Variants in ZNF804B observed in about 807,000 individuals in gnomAD.
The protein encoded by ZNF804B is zinc finger 804B.
Under a neutral mutation model 101.4 loss-of-function variants are expected in ZNF804B, and 80 were observed. The ratio of observed to expected loss-of-function variants is 0.79; its 90% CI spans 0.66 to 0.95. The LOEUF is 0.95. ZNF804B is among the 40% of genes least tolerant of loss of function. The pLI, the probability that ZNF804B is intolerant of heterozygous loss-of-function variation, is 0.00. For missense variants in ZNF804B, 1,673 were observed against 1,561.9 expected, an observed-to-expected ratio of 1.07 and a Z score of -1.20; for synonymous variants, 622 against 558.8, an observed-to-expected ratio of 1.11 and a Z score of -1.59.
chr7:89,179,476 T>G lies in ZNF804B; in HGVS notation c.109-38679T>G, dbSNP rs953057877. Among the ~76,000 whole-genome samples, 30 of 152,348 alleles carry G rather than the reference T, an allele frequency of 2.0e-4. 1 individual carries two copies. The highest frequency in any genetic ancestry group is 6.3e-4 in the African/African-American group (26 of 41,586). ...AATTAAATTTTTCAGCTCCAGAATT[T>G]GGTTGATTTTTTAAAAGTATTTAAA... On this transcript the variant is annotated intron_variant, in intron 1 of 3. Transcript: ENST00000333190.
chr7:89,089,057 CT>C lies in ZNF804B; in HGVS notation c.109-129084del, dbSNP rs543879583. Among the ~76,000 whole-genome samples the C allele has an allele frequency of 6.9e-3, 886 of 127,936 alleles. 7 individuals are homozygous for C. The highest frequency in any genetic ancestry group is 0.018 in the African/African-American group (606 of 33,528). 83.9% of individuals were successfully genotyped at this position (127,936 alleles called of 152,430 possible). On this transcript the variant is annotated intron_variant, in intron 1 of 3. Coordinates refer to ENST00000333190, the MANE Select transcript of ZNF804B (RefSeq NM_181646.5). ...ATAAGCCTTTTTTTCCTTTTTTTTT[CT>C]TTTTTTTTTTTTTCCTAGGGAGTCT...
chr7:89,073,509 A>G (rs1424212462), intron 1 of ZNF804B, among the ~76,000 whole-genome samples: 1 of 152,078 alleles, frequency 6.6e-6, no homozygotes, highest in Non-Finnish European at 1.5e-5. Context: ...CATCCCATTT[A>G]TTTTGCTAGA....
intron 1 of ZNF804B, among the ~76,000 whole-genome samples, chr7:89,081,744 C>G (rs1314002768): frequency 6.6e-6 from 1 of 151,756 alleles, no homozygotes; most frequent in Non-Finnish European, 1.5e-5. Flanking sequence ...TACTCCTTCC[C>G]ATGTCTATTG....
chr7:89,001,116 A>T (rs2213984), intron 1 of ZNF804B, among the ~76,000 whole-genome samples: 15,592 of 147,758 alleles, frequency 0.11, 903 homozygotes, highest in Non-Finnish European at 0.12. Context: ...GAGTAAGTTT[A>T]AGAACTCTAT....
At chr7:89,120,485 G>A (rs988872102) in intron 1 of ZNF804B, among the ~76,000 whole-genome samples, 6 of 151,514 alleles carry the variant, frequency 4.0e-5, no homozygotes, top group Non-Finnish European at 5.9e-5. Context: ...GTGAAACCCC[G>A]TCTCTACTAA....
At chr7:88,817,581 C>G (rs1006782838) in intron 1 of ZNF804B, among the ~76,000 whole-genome samples, 6 of 152,056 alleles carry the variant, frequency 3.9e-5, no homozygotes, top group African/African-American at 1.4e-4. Context: ...ATATTTTATT[C>G]TAGAATAGCT....
chr7:89,057,361 A>G (rs1180415876), intron 1 of ZNF804B, among the ~76,000 whole-genome samples: 3 of 152,072 alleles, frequency 2.0e-5, no homozygotes, highest in African/African-American at 7.2e-5. Context: ...TGCAATTCTT[A>G]TCAACCCTGG....
At chr7:88,777,152 T>C (rs1790154487) in intron 1 of ZNF804B, among the ~76,000 whole-genome samples, 1 of 152,204 alleles carries the variant, frequency 6.6e-6, no homozygotes, top group Non-Finnish European at 1.5e-5. Flanking sequence ...CTGCTGGTGC[T>C]ACTGGACTCA....
chr7:89,071,535 G>A (rs1249528463), intron 1 of ZNF804B, among the ~76,000 whole-genome samples: 2 of 152,174 alleles, frequency 1.3e-5, no homozygotes, highest in African/African-American at 4.8e-5. Context: ...GGAAGCAGTA[G>A]TGCCCACAGA....
At chr7:89,192,001 G>C (rs1312393967) in intron 1 of ZNF804B, among the ~76,000 whole-genome samples, 1 of 151,984 alleles carries the variant, frequency 6.6e-6, no homozygotes, top group East Asian at 1.9e-4. Flanking sequence ...AAAAAAAATT[G>C]ATCCTGTTAT....
At chr7:88,972,990 A>G (rs371693966) in intron 1 of ZNF804B, among the ~76,000 whole-genome samples, 2 of 151,546 alleles carry the variant, frequency 1.3e-5, no homozygotes, top group East Asian at 3.9e-4. Flanking sequence ...AGAGGTAAAT[A>G]TCCATATTTT....
chr7:89,197,879 A>T (rs1225634015), intron 1 of ZNF804B, among the ~76,000 whole-genome samples: 3 of 151,852 alleles, frequency 2.0e-5, no homozygotes, highest in African/African-American at 7.2e-5. Flanking sequence ...TTTCTATGTG[A>T]ATAAATTATT....
chr7:89,033,242 T>A (rs765983570), intron 1 of ZNF804B, among the ~76,000 whole-genome samples: 8 of 152,140 alleles, frequency 5.3e-5, no homozygotes, highest in Non-Finnish European at 1.2e-4. Context: ...GTACCTGGCT[T>A]ATTTCACTTA....
chr7:89,062,748 A>G (rs1441571250), intron 1 of ZNF804B, among the ~76,000 whole-genome samples: 2 of 151,968 alleles, frequency 1.3e-5, no homozygotes, highest in African/African-American at 2.4e-5. Context: ...TCATGCTTTT[A>G]TTTTCCAGAT....
intron 1 of ZNF804B, among the ~76,000 whole-genome samples, chr7:89,157,778 A>G (rs1790998372): frequency 6.6e-6 from 1 of 152,192 alleles, no homozygotes; most frequent in South Asian, 2.1e-4. Context: ...GGTAAAAGAC[A>G]GGTCAGGTGT....
At chr7:88,945,445 C>T (rs1793114450) in intron 1 of ZNF804B, among the ~76,000 whole-genome samples, 1 of 151,988 alleles carries the variant, frequency 6.6e-6, no homozygotes, top group Non-Finnish European at 1.5e-5. Context: ...TTCCATTGGT[C>T]TATATATCTG....
chr7:89,099,884 C>T (rs1205090820), intron 1 of ZNF804B, among the ~76,000 whole-genome samples: 2 of 152,112 alleles, frequency 1.3e-5, no homozygotes, highest in Non-Finnish European at 2.9e-5. Context: ...ACAAGAGTGA[C>T]TTCATGTTGA....
At position 89,298,212 on chromosome 7, in the gene ZNF804B, GTGTGTATATATATATATATATA is replaced by G. The variant is rs1296084820; in HGVS notation, c.250-29130_250-29109del. On this transcript the variant is annotated intron_variant, in intron 2 of 3. Coordinates refer to ENST00000333190, the MANE Select transcript of ZNF804B (RefSeq NM_181646.5). Reference sequence around the variant, plus strand: ...ATATATATCTATATAGTGTGTGTGTGTGTGTATATATATATATATATATATATATATATATATATATATATAC... The same window carrying G: ...ATATATATCTATATAGTGTGTGTGTGTATATATATATATATATATATATAC... Among the ~76,000 whole-genome samples, 31 of 65,274 alleles carry G rather than the reference GTGTGTATATATATATATATATA, an allele frequency of 4.7e-4. No homozygotes were observed. The South Asian group carries it at 0.015, about 31-fold the overall frequency. 42.8% of individuals were successfully genotyped at this position (65,274 alleles called of 152,430 possible). A position where few individuals can be genotyped will look rare whatever the true frequency, so the allele number is the denominator to read the frequency against.
chr7:88,812,975 G>C (rs1219044383), intron 1 of ZNF804B, among the ~76,000 whole-genome samples: 2 of 151,630 alleles, frequency 1.3e-5, no homozygotes, highest in African/African-American at 2.4e-5. Flanking sequence ...CTGGAGATGT[G>C]AATGTACCTC....
Sources: allele counts gnomAD v4.1 joint callset (sites outside exome capture counted in the v4.1 genomes callset), GRCh38; gene constraint gnomAD v4.1.1; transcripts MANE v1.5; gene names NCBI Gene and HGNC (gene_info 2026-07-23, HGNC 2026-07-21).